Variants in ARL6IP6 observed in about 807,000 individuals in gnomAD.
The protein encoded by ARL6IP6 is ADP-ribosylation factor-like protein 6-interacting protein 6.
ARL6IP6 carries 22 observed loss-of-function variants against 21.5 expected under a neutral mutation model. That is an observed-to-expected ratio of 1.02 (90% CI 0.73 to 1.46). ARL6IP6 has a LOEUF of 1.46. Among genes scored for constraint, ARL6IP6 ranks in the 40% most tolerant of loss-of-function variants. The pLI, the probability that ARL6IP6 is intolerant of heterozygous loss-of-function variation, is 0.00. For synonymous variants in ARL6IP6, 164 were observed against 125.3 expected, an observed-to-expected ratio of 1.31 and a Z score of -2.06; for missense variants, 388 against 299.8, an observed-to-expected ratio of 1.29 and a Z score of -2.17.
chr2:152,719,144 C>T (rs969393113), intron 1 of ARL6IP6, 120 bp downstream of exon 1: 1 of 1,172,040 alleles, frequency 8.5e-7, no homozygotes, highest in African/African-American at 1.6e-5. Flanking sequence ...CTGCTTTCAC[C>T]CAGAGTCCTC....
At chr2:152,735,182 C>T (rs1481183416) in intron 3 of ARL6IP6, 56 bp downstream of exon 3, 1 of 1,579,482 alleles carries the variant, frequency 6.3e-7, no homozygotes, top group Admixed American at 1.7e-5. Context: ...CTTGAAAATA[C>T]TAAAATACTC....
At chr2:152,752,712 C>G (rs991700610) in intron 3 of ARL6IP6, among the ~76,000 whole-genome samples, 22 of 152,100 alleles carry the variant, frequency 1.4e-4, no homozygotes, top group African/African-American at 5.3e-4. Context: ...AATAGGCACC[C>G]TATGCAGGAT....
chr2:152,722,917 C>CAA (rs1299827551), intron 2 of ARL6IP6, among the ~76,000 whole-genome samples: 6 of 152,076 alleles, frequency 3.9e-5, no homozygotes, highest in African/African-American at 9.7e-5. Context: ...CAAAACAAAA[C>CAA]AAAAGATTGA....
chr2:152,725,457 T>C (rs1324762530), intron 2 of ARL6IP6, among the ~76,000 whole-genome samples: 1 of 152,134 alleles, frequency 6.6e-6, no homozygotes, highest in Non-Finnish European at 1.5e-5. Context: ...AGGGCAGATG[T>C]GTATACAAAG....
chr2:152,732,528 T>G, intron 2 of ARL6IP6: 1 of 453,242 alleles, frequency 2.2e-6, no homozygotes, highest in East Asian at 7.1e-5. Context: ...TATTGGCTTC[T>G]AGGAATTATC....
At chr2:152,732,748 A>C (rs1559229829) in intron 2 of ARL6IP6, among the ~76,000 whole-genome samples, 1 of 152,168 alleles carries the variant, frequency 6.6e-6, no homozygotes, top group Non-Finnish European at 1.5e-5. Context: ...AGTCCTTTAT[A>C]TGAAATTGGA....
At chr2:152,730,086 C>T (rs903853234) in intron 2 of ARL6IP6, among the ~76,000 whole-genome samples, 7 of 152,180 alleles carry the variant, frequency 4.6e-5, no homozygotes, top group Non-Finnish European at 1.0e-4. Flanking sequence ...TTACCCCTAT[C>T]ATTGTGACCT....
intron 1 of ARL6IP6, chr2:152,720,307 A>G: frequency 1.8e-6 from 1 of 560,158 alleles, no homozygotes; most frequent in East Asian, 3.0e-5. Flanking sequence ...GGGAATAAAC[A>G]GTACTCTCAT....
intron 1 of ARL6IP6, chr2:152,719,782 A>AAAAT: frequency 6.2e-6 from 2 of 323,104 alleles, no homozygotes; most frequent in Non-Finnish European, 1.3e-5. Context: ...AAACAAAAGA[A>AAAAT]CTTTGTTGTA....
chr2:152,740,556 C>T (rs1312031693), intron 3 of ARL6IP6, among the ~76,000 whole-genome samples: 3 of 151,568 alleles, frequency 2.0e-5, no homozygotes, highest in Non-Finnish European at 4.4e-5. Flanking sequence ...ACATTCATTT[C>T]TATACATACA....
intron 3 of ARL6IP6, among the ~76,000 whole-genome samples, chr2:152,741,811 C>T (rs1415696581): frequency 4.6e-5 from 7 of 152,132 alleles, no homozygotes; most frequent in East Asian, 1.9e-4. Flanking sequence ...TTGTAAACTT[C>T]GCTAAGTCAA....
intron 3 of ARL6IP6, among the ~76,000 whole-genome samples, chr2:152,752,487 A>T (rs1467830336): frequency 6.6e-6 from 1 of 152,238 alleles, no homozygotes; most frequent in Admixed American, 6.5e-5. Context: ...AAAACCCTCA[A>T]AGTAACAAAG....
intron 1 of ARL6IP6, among the ~76,000 whole-genome samples, chr2:152,719,530 T>C (rs1574003846): frequency 6.6e-6 from 1 of 152,188 alleles, no homozygotes; most frequent in African/African-American, 2.4e-5. Flanking sequence ...TTTAAGTTTG[T>C]ATCCAGGTGT....
chr2:152,739,275 G>A (rs767176312), intron 3 of ARL6IP6, among the ~76,000 whole-genome samples: 11 of 151,742 alleles, frequency 7.2e-5, no homozygotes, highest in East Asian at 3.9e-4. Context: ...GTGAGCCACC[G>A]CACCCAGCCA....
chr2:152,756,003 A>G (rs913816845), intron 3 of ARL6IP6, among the ~76,000 whole-genome samples: 3 of 152,212 alleles, frequency 2.0e-5, no homozygotes, highest in Admixed American at 6.5e-5. Flanking sequence ...TCTATCAGAT[A>G]TAAGATTTGC....
At chr2:152,750,474 CAAAA>C (rs932942369) in intron 3 of ARL6IP6, among the ~76,000 whole-genome samples, 2 of 66,136 alleles carry the variant, frequency 3.0e-5, no homozygotes, top group Non-Finnish European at 6.4e-5. Flanking sequence ...AGACTCTGTC[CAAAA>C]AAAAAAAAAA....
intron 3 of ARL6IP6, among the ~76,000 whole-genome samples, chr2:152,753,085 G>C (rs1701413036): frequency 6.6e-6 from 1 of 151,968 alleles, no homozygotes; most frequent in African/African-American, 2.4e-5. Flanking sequence ...GCTGCAACGA[G>C]CCATGATCAT....
At chr2:152,751,480 A>G (rs528411937) in intron 3 of ARL6IP6, among the ~76,000 whole-genome samples, 1 of 152,084 alleles carries the variant, frequency 6.6e-6, no homozygotes, top group South Asian at 2.1e-4. Context: ...CCGTTAACTA[A>G]CCTCCTGCTA....
chr2:152,742,385 TAGTG>T (rs1559236388), intron 3 of ARL6IP6, among the ~76,000 whole-genome samples: 1 of 151,934 alleles, frequency 6.6e-6, no homozygotes, highest in African/African-American at 2.4e-5. Flanking sequence ...CTAGTCAACA[TAGTG>T]AGATGCTGCC....
Sources: gnomAD v4.1 joint callset for allele counts (sites outside exome capture counted in the v4.1 genomes callset) on GRCh38, gnomAD v4.1.1 for gene constraint, MANE v1.5 for transcripts, NCBI Gene and HGNC (gene_info 2026-07-23, HGNC 2026-07-21) for gene names.